The following NRCAM variants were observed in gnomAD, a reference collection of about 807,000 sequenced individuals.
The protein encoded by NRCAM is NgCAM-related cell adhesion molecule.
A neutral mutation model predicts 156.5 loss-of-function variants in NRCAM; 83 were observed. The ratio of observed to expected loss-of-function variants is 0.53; its 90% CI spans 0.44 to 0.64. The LOEUF (loss-of-function observed/expected upper bound fraction) is 0.64, where lower values mean the gene tolerates loss of function less well. Ranked by LOEUF, NRCAM falls within the 30% of genes least tolerant of loss-of-function variation. The pLI, the probability that NRCAM is intolerant of heterozygous loss-of-function variation, is 0.00. For missense variants in NRCAM, 1,417 were observed against 1,597.3 expected (o/e 0.89, Z 1.92); for synonymous variants, 538 against 563.9 (o/e 0.95, Z 0.65).
At chr7:108,350,835 T>C (rs2099406932) in intron 2 of NRCAM, among the ~76,000 whole-genome samples, 1 of 152,192 alleles carries the variant, frequency 6.6e-6, no homozygotes, top group South Asian at 2.1e-4. Flanking sequence ...TTGTCATAAT[T>C]TAGTTGGCAG....
chr7:108,361,387 A>G (rs2099549504), intron 2 of NRCAM, among the ~76,000 whole-genome samples: 1 of 152,220 alleles, frequency 6.6e-6, no homozygotes, highest in Non-Finnish European at 1.5e-5. Flanking sequence ...TTGGGATTAA[A>G]TTAACATTTA....
intron 8 of NRCAM, 145 bp downstream of exon 8, chr7:108,230,886 G>A (rs570102234): frequency 1.6e-6 from 1 of 609,536 alleles, no homozygotes; most frequent in Admixed American, 3.4e-5. Flanking sequence ...GAGTGAATGA[G>A]ATGACATGTT....
At chr7:108,191,480 A>T (rs1563352616) in intron 18 of NRCAM, among the ~76,000 whole-genome samples, 197 bp from the exon 19 acceptor site, 1 of 152,178 alleles carries the variant, frequency 6.6e-6, no homozygotes, top group Non-Finnish European at 1.5e-5. Flanking sequence ...CAAGTAGATC[A>T]TTTCTCCTTA....
At chr7:108,220,618 T>C (rs2091895829) in intron 11 of NRCAM, among the ~76,000 whole-genome samples, 1 of 152,112 alleles carries the variant, frequency 6.6e-6, no homozygotes, top group Non-Finnish European at 1.5e-5. Flanking sequence ...TTTTCAATAA[T>C]TGGTGTTGGG....
intron 32 of NRCAM, 160 bp downstream of exon 32, chr7:108,159,303 A>T (rs755521175): frequency 1.3e-6 from 1 of 759,850 alleles, no homozygotes; most frequent in South Asian, 1.4e-5. Flanking sequence ...AAAATGTTTG[A>T]CCATGAGGGA....
At chr7:108,211,620 C>G (rs1480692535) in intron 11 of NRCAM, among the ~76,000 whole-genome samples, 1 of 152,104 alleles carries the variant, frequency 6.6e-6, no homozygotes, top group Non-Finnish European at 1.5e-5. Flanking sequence ...ATTTCCCTCG[C>G]TTCCCCAACA....
intron 32 of NRCAM, chr7:108,150,571 G>C (rs2040778673): frequency 4.5e-6 from 2 of 448,418 alleles, no homozygotes; most frequent in African/African-American, 4.2e-5. Flanking sequence ...GTTGTGAATG[G>C]AGCATGATTT....
intron 2 of NRCAM, among the ~76,000 whole-genome samples, chr7:108,397,837 A>G (rs896583386): frequency 2.0e-5 from 3 of 152,210 alleles, no homozygotes; most frequent in Non-Finnish European, 2.9e-5. Flanking sequence ...ATTTCCTTTT[A>G]TCAAACTGGA....
At chr7:108,323,535 ACT>A (rs2154214790) in intron 2 of NRCAM, among the ~76,000 whole-genome samples, 1 of 152,162 alleles carries the variant, frequency 6.6e-6, no homozygotes, top group East Asian at 1.9e-4. Flanking sequence ...GACTTTTATT[ACT>A]CTTAGAGAAA....
intron 2 of NRCAM, among the ~76,000 whole-genome samples, chr7:108,394,930 C>G (rs560519394): frequency 6.6e-6 from 1 of 152,000 alleles, no homozygotes; most frequent in Non-Finnish European, 1.5e-5. Flanking sequence ...TTTATTTTTC[C>G]ATTTTAAAAT....
At chr7:108,368,538 G>A (rs1174151299) in intron 2 of NRCAM, among the ~76,000 whole-genome samples, 1 of 152,164 alleles carries the variant, frequency 6.6e-6, no homozygotes, top group East Asian at 1.9e-4. Context: ...TTATGTGTAT[G>A]TTTGGTTTGT....
At chr7:108,187,265 ACACACC>A (rs2153406458) in intron 20 of NRCAM, among the ~76,000 whole-genome samples, 1 of 152,226 alleles carries the variant, frequency 6.6e-6, no homozygotes, top group East Asian at 1.9e-4. Flanking sequence ...TTCCCACTCT[ACACACC>A]CACCACCGAA....
chr7:108,223,514 T>G (rs1247010717), intron 11 of NRCAM, among the ~76,000 whole-genome samples: 1 of 152,206 alleles, frequency 6.6e-6, no homozygotes, highest in Non-Finnish European at 1.5e-5. Context: ...TTACTGATAC[T>G]TATTTCAATA....
intron 30 of NRCAM, 148 bp from the exon 31 acceptor site, chr7:108,160,640 A>G: frequency 1.7e-6 from 1 of 575,050 alleles, no homozygotes; most frequent in South Asian, 3.6e-5. Context: ...ATTATTAATC[A>G]GGAATTATAT....
chr7:108,150,569 T>C (rs1233999312), intron 32 of NRCAM: 4 of 445,440 alleles, frequency 9.0e-6, no homozygotes, highest in East Asian at 6.4e-5. Context: ...TGGTTGTGAA[T>C]GGAGCATGAT....
intron 2 of NRCAM, among the ~76,000 whole-genome samples, chr7:108,391,503 A>C (rs1383547893): frequency 1.3e-5 from 2 of 151,986 alleles, no homozygotes; most frequent in African/African-American, 2.4e-5. Flanking sequence ...AATACAGCAC[A>C]CTGATGGGTC....
intron 3 of NRCAM, among the ~76,000 whole-genome samples, chr7:108,263,017 G>C (rs1481591510): frequency 2.0e-5 from 3 of 152,196 alleles, no homozygotes; most frequent in African/African-American, 7.2e-5. Context: ...AGCTTGACTT[G>C]GGGGAATGCA....
intron 32 of NRCAM, among the ~76,000 whole-genome samples, chr7:108,157,624 A>T (rs2046328567): frequency 6.6e-6 from 1 of 152,144 alleles, no homozygotes; most frequent in East Asian, 1.9e-4. Flanking sequence ...TACATTGTAT[A>T]GTGGTGGGGT....
intron 30 of NRCAM, among the ~76,000 whole-genome samples, chr7:108,161,973 T>C (rs2049348097): frequency 6.6e-6 from 1 of 152,180 alleles, no homozygotes; most frequent in South Asian, 2.1e-4. Context: ...ACACATACCA[T>C]AGTCATGATG....
Sources: allele counts gnomAD v4.1 joint callset (sites outside exome capture counted in the v4.1 genomes callset), GRCh38; gene constraint gnomAD v4.1.1; transcripts MANE v1.5; gene names NCBI Gene and HGNC (gene_info 2026-07-23, HGNC 2026-07-21).